The following SLC35G2 variants were observed in gnomAD, a reference collection of about 807,000 sequenced individuals.
SLC35G2 encodes transmembrane protein 22.
A neutral mutation model predicts 27.2 loss-of-function variants in SLC35G2; 20 were observed. That is an observed-to-expected ratio of 0.74 (90% CI 0.52 to 1.07). The LOEUF is 1.07. SLC35G2 is among the 50% of genes least tolerant of loss of function. SLC35G2 has a pLI of 0.00. For missense variants in SLC35G2, 416 were observed against 493.3 expected, an observed-to-expected ratio of 0.84 and a Z score of 1.48; for synonymous variants, 148 against 165.3, an observed-to-expected ratio of 0.90 and a Z score of 0.80.
intron 1 of SLC35G2, among the ~76,000 whole-genome samples, chr3:136,832,077 G>T (rs993376648): frequency 6.6e-6 from 1 of 151,522 alleles, no homozygotes; most frequent in South Asian, 2.1e-4. Context: ...GCAGTGGCAC[G>T]ATCTCGGCTC....
At chr3:136,850,966 C>T (rs1022058341) in intron 1 of SLC35G2, among the ~76,000 whole-genome samples, 10 of 151,940 alleles carry the variant, frequency 6.6e-5, no homozygotes, top group African/African-American at 1.5e-4. Flanking sequence ...GCCTGCGCAA[C>T]GGAGTGAGAC....
intron 1 of SLC35G2, among the ~76,000 whole-genome samples, chr3:136,845,637 G>A (rs944476999): frequency 2.7e-5 from 4 of 149,888 alleles, no homozygotes; most frequent in African/African-American, 7.4e-5. Flanking sequence ...TCGCTCTGTC[G>A]CCAGGCTGGA....
chr3:136,855,854 T>G lies in SLC35G2; in HGVS notation c.*155T>G, dbSNP rs1450966526. 1 of 563,238 alleles carries G rather than the reference T, an allele frequency of 1.8e-6. No homozygotes were observed. The highest frequency in any genetic ancestry group is 3.1e-6 in the Non-Finnish European group (1 of 319,752). 34.9% of individuals were successfully genotyped at this position (563,238 alleles called of 1,614,324 possible). On this transcript the variant is annotated 3_prime_UTR_variant, in exon 2 of 2. Coordinates refer to ENST00000446465, the MANE Select transcript of SLC35G2 (RefSeq NM_025246.3). Reference sequence around the variant, plus strand: ...AGAAAATTTATTCTAGTCTAATATATTCAAATACAAATATTAAATATATGA... The same window carrying G: ...AGAAAATTTATTCTAGTCTAATATAGTCAAATACAAATATTAAATATATGA...
At chr3:136,823,004 T>C (rs1032563692) in intron 1 of SLC35G2, among the ~76,000 whole-genome samples, 8 of 152,348 alleles carry the variant, frequency 5.3e-5, no homozygotes, top group Admixed American at 5.2e-4. Flanking sequence ...TTCATAGAAG[T>C]TGAACTAATT....
chr3:136,853,308 C>T (rs1468205404), intron 1 of SLC35G2, among the ~76,000 whole-genome samples: 2 of 152,022 alleles, frequency 1.3e-5, no homozygotes, highest in African/African-American at 4.8e-5. Context: ...GTTGGCCAGG[C>T]TGGCCAACTC....
At chr3:136,822,609 C>G (rs563130985) in intron 1 of SLC35G2, among the ~76,000 whole-genome samples, 1 of 152,348 alleles carries the variant, frequency 6.6e-6, no homozygotes, top group South Asian at 2.1e-4. Context: ...GCCACTGCGC[C>G]CAGCGTACTC....
At chr3:136,824,849 A>G (rs1327286935) in intron 1 of SLC35G2, among the ~76,000 whole-genome samples, 5 of 152,132 alleles carry the variant, frequency 3.3e-5, no homozygotes, top group African/African-American at 1.2e-4. Flanking sequence ...TGCTGCACCC[A>G]TCAACTCGTC....
At chr3:136,844,825 AAAC>A (rs1411068530) in intron 1 of SLC35G2, among the ~76,000 whole-genome samples, 1,865 of 151,084 alleles carry the variant, frequency 0.012, 34 homozygotes, top group African/African-American at 0.043. Flanking sequence ...AAAAAAAAGA[AAAC>A]AAGACAAAAC....
At chr3:136,848,596 G>C (rs958536571) in intron 1 of SLC35G2, among the ~76,000 whole-genome samples, 1 of 152,158 alleles carries the variant, frequency 6.6e-6, no homozygotes. Context: ...AGCCATCATA[G>C]TCATAAAAAA....
In SLC35G2 at chr3:136,855,870, A is replaced by G. The variant is rs1938002900; in HGVS notation, c.*171A>G. The G allele has an allele frequency of 1.9e-6, 1 of 526,128 alleles. No individual in the cohort carries two copies. Among genetic ancestry groups the G allele is most frequent in the Non-Finnish European group, 3.4e-6 (1 of 295,922 alleles). The allele number at this position is 526,128 out of a possible 1,614,324, so 32.6% of individuals were successfully genotyped here. On this transcript the variant is annotated 3_prime_UTR_variant, in exon 2 of 2. Coordinates refer to ENST00000446465, the MANE Select transcript of SLC35G2 (RefSeq NM_025246.3). ...TCTAATATATTCAAATACAAATATT[A>G]AATATATGAAATACGTTATGAATCT... is the stretch of plus-strand genomic sequence containing the variant.
intron 1 of SLC35G2, among the ~76,000 whole-genome samples, chr3:136,822,570 C>G (rs1349146108): frequency 6.6e-6 from 1 of 152,228 alleles, no homozygotes; most frequent in African/African-American, 2.4e-5. Context: ...CTGCCTCAGC[C>G]TCCCAAAGTG....
chr3:136,855,534 T>C lies in SLC35G2; in HGVS notation c.1074T>C (p.Ala358=). Residue 358 remains alanine (A), a synonymous_variant, in exon 2 of 2, where the codon GCT becomes GCC. Transcript: ENST00000446465. The part of the protein sequence containing the change: ...STVQHLEIVV[A]MVLQLLVLHI... ...TACAACATTTGGAGATTGTGGTAGC[T>C]ATGGTCTTGCAGCTTCTCGTGCTGC... The C allele has an allele frequency of 1.2e-6, 2 of 1,614,180 alleles. No individual in the cohort carries two copies. Among genetic ancestry groups the C allele is most frequent in the Non-Finnish European group, 1.7e-6 (2 of 1,179,996 alleles).
At chr3:136,850,721 T>A (rs1407706802) in intron 1 of SLC35G2, among the ~76,000 whole-genome samples, 2 of 151,332 alleles carry the variant, frequency 1.3e-5, no homozygotes, top group Non-Finnish European at 2.9e-5. Context: ...CAGCTGGGCG[T>A]GGTGGCTCAC....
At chr3:136,820,378 G>A (rs1482216397) in intron 1 of SLC35G2, 3 of 152,226 alleles carry the variant, frequency 2.0e-5, no homozygotes, top group African/African-American at 4.8e-5. Context: ...CTTCTACTCT[G>A]CACCTTTGCC....
intron 1 of SLC35G2, among the ~76,000 whole-genome samples, chr3:136,844,607 T>C (rs1376184955): frequency 6.6e-6 from 1 of 151,694 alleles, no homozygotes; most frequent in African/African-American, 2.4e-5. Context: ...GAGACCAGCC[T>C]GGCCAACATG....
At chr3:136,824,188 A>T (rs991549088) in intron 1 of SLC35G2, among the ~76,000 whole-genome samples, 3 of 152,036 alleles carry the variant, frequency 2.0e-5, no homozygotes, top group Non-Finnish European at 2.9e-5. Context: ...TGTTCAGGAT[A>T]ACTTTGGCTA....
chr3:136,826,152 T>A (rs1936580591), intron 1 of SLC35G2, among the ~76,000 whole-genome samples: 1 of 152,114 alleles, frequency 6.6e-6, no homozygotes. Context: ...TTCTCCTTCC[T>A]CAGCCTCCCA....
intron 1 of SLC35G2, chr3:136,820,006 A>G (rs927230168): frequency 1.8e-4 from 27 of 152,244 alleles, no homozygotes; most frequent in African/African-American, 6.3e-4. Context: ...CTCATTTGAG[A>G]GGAGGAGAGG....
At chr3:136,822,000 A>G (rs1292341410) in intron 1 of SLC35G2, among the ~76,000 whole-genome samples, 1 of 152,078 alleles carries the variant, frequency 6.6e-6, no homozygotes, top group Non-Finnish European at 1.5e-5. Context: ...GTATATATAT[A>G]TTTACGGGGT....
Sources: gnomAD v4.1 joint callset for allele counts (sites outside exome capture counted in the v4.1 genomes callset) on GRCh38, gnomAD v4.1.1 for gene constraint, MANE v1.5 for transcripts, NCBI Gene and HGNC (gene_info 2026-07-23, HGNC 2026-07-21) for gene names.